Variants in XKR9 observed in about 807,000 individuals in gnomAD.
XKR9 encodes the protein XK-related protein 9.
XKR9 carries 32 observed loss-of-function variants against 32.0 expected under a neutral mutation model. The ratio of observed to expected loss-of-function variants is 1.00; its 90% CI spans 0.76 to 1.34. The LOEUF (loss-of-function observed/expected upper bound fraction) is 1.34. Among genes scored for constraint, XKR9 ranks in the 40% most tolerant of loss-of-function variants. The pLI is 0.00. For synonymous variants in XKR9, 168 were observed against 143.4 expected, an observed-to-expected ratio of 1.17 and a Z score of -1.22; for missense variants, 546 against 429.7, an observed-to-expected ratio of 1.27 and a Z score of -2.39.
At chr8:70,820,121 T>A in the XKR9 span, among the ~76,000 whole-genome samples, 1 of 152,108 alleles carries the variant, frequency 6.6e-6, no homozygotes, top group African/African-American at 2.4e-5. Flanking sequence ...CTGAAGCAGG[T>A]CATAAGACCC....
chr8:70,936,547 G>A, the XKR9 span, among the ~76,000 whole-genome samples: 1 of 152,058 alleles, frequency 6.6e-6, no homozygotes, highest in East Asian at 1.9e-4. Flanking sequence ...GAAAGGGATG[G>A]ACAGTGTAAT....
intron 2 of XKR9, among the ~76,000 whole-genome samples, chr8:70,760,708 T>A (rs972094494): frequency 1.3e-5 from 2 of 152,174 alleles, no homozygotes; most frequent in African/African-American, 2.4e-5. Context: ...CCTGAGCTTT[T>A]AAAAAAATTT....
the XKR9 span, among the ~76,000 whole-genome samples, chr8:70,975,730 T>C: frequency 6.6e-6 from 1 of 152,204 alleles, no homozygotes; most frequent in Non-Finnish European, 1.5e-5. Context: ...TGCAGTCTCT[T>C]TTTTGGTTCC....
the XKR9 span, among the ~76,000 whole-genome samples, chr8:71,031,812 T>A: frequency 6.6e-6 from 1 of 152,230 alleles, no homozygotes; most frequent in African/African-American, 2.4e-5. Flanking sequence ...CATTTCCATT[T>A]GCTTTTTTAT....
intron 2 of XKR9, among the ~76,000 whole-genome samples, chr8:70,677,336 T>TG (rs930078298): frequency 2.0e-5 from 3 of 151,780 alleles, no homozygotes; most frequent in African/African-American, 7.3e-5. Context: ...TTTGTAGAGG[T>TG]GGGGTTTCAC....
At chr8:70,869,846 A>G in the XKR9 span, among the ~76,000 whole-genome samples, 4 of 152,176 alleles carry the variant, frequency 2.6e-5, no homozygotes, top group Admixed American at 6.5e-5. Context: ...ATCTTATTAT[A>G]TAGTACCTTA....
chr8:70,679,419 T>G (rs1321851150), intron 2 of XKR9, among the ~76,000 whole-genome samples: 2 of 152,190 alleles, frequency 1.3e-5, no homozygotes, highest in Non-Finnish European at 2.9e-5. Flanking sequence ...GTATATACCA[T>G]TATTCTCTCC....
chr8:70,846,423 A>G, the XKR9 span, among the ~76,000 whole-genome samples: 1 of 152,130 alleles, frequency 6.6e-6, no homozygotes, highest in Admixed American at 6.5e-5. Context: ...TTACTATCAG[A>G]GAAAAATCAC....
Position 70,687,590 on chromosome 8 carries a change from G to A in XKR9, c.272+6260G>A, listed in dbSNP as rs1169353873. ...TCAGTATGTTGCCCAGGCTGGTCTC[G>A]AACTCCTGGCCTCAAGTGATCCTCC... On this transcript the variant is annotated intron_variant, in intron 3 of 4. Transcript: ENST00000408926. Among the ~76,000 whole-genome samples the A allele has an allele frequency of 2.0e-5, 3 of 151,820 alleles. 1 individual carries two copies. The highest frequency in any genetic ancestry group is 4.2e-4 in the South Asian group (2 of 4,816).
chr8:70,754,406 A>G (rs1461133365), intron 2 of XKR9, among the ~76,000 whole-genome samples: 3 of 128,184 alleles, frequency 2.3e-5, no homozygotes, highest in African/African-American at 5.0e-5. Flanking sequence ...CAGAATTGGA[A>G]AAAACTACTT....
the XKR9 span, among the ~76,000 whole-genome samples, chr8:70,919,109 G>A: frequency 6.6e-6 from 1 of 152,042 alleles, no homozygotes; most frequent in Non-Finnish European, 1.5e-5. Flanking sequence ...TAGCATGATT[G>A]GTACAGTGAC....
In XKR9 at chr8:70,682,916, C is replaced by T. The variant is rs986642487; in HGVS notation, c.272+1586C>T. Among the ~76,000 whole-genome samples the T allele has an allele frequency of 3.3e-5, 5 of 152,186 alleles. 1 individual carries two copies. ...TCTTGAAGATCTTCTGAAGTGAGTT[C>T]ATACAAAGCTGCTTTGCTCTTTTTA... On this transcript the variant is annotated intron_variant, in intron 3 of 4. Coordinates refer to ENST00000408926, the MANE Select transcript of XKR9 (RefSeq NM_001011720.2).
At chr8:70,711,169 T>A (rs763382030) in intron 4 of XKR9, among the ~76,000 whole-genome samples, 2 of 152,212 alleles carry the variant, frequency 1.3e-5, no homozygotes, top group Non-Finnish European at 2.9e-5. Flanking sequence ...TTATACAAAC[T>A]GTTGGTGGGA....
chr8:71,064,874 C>T, the XKR9 span, among the ~76,000 whole-genome samples: 1 of 152,092 alleles, frequency 6.6e-6, no homozygotes, highest in Admixed American at 6.5e-5. Flanking sequence ...TTTGCAGTGT[C>T]TATAGATGTG....
the XKR9 span, among the ~76,000 whole-genome samples, chr8:70,887,372 G>C: frequency 1.3e-5 from 2 of 151,806 alleles, no homozygotes; most frequent in Non-Finnish European, 2.9e-5. Context: ...CTCCAGCTTT[G>C]TTCTTTTTGC....
the XKR9 span, among the ~76,000 whole-genome samples, chr8:71,020,554 C>A: frequency 1.3e-5 from 2 of 152,152 alleles, no homozygotes; most frequent in Non-Finnish European, 2.9e-5. Flanking sequence ...GAAGATAGAA[C>A]ACAACATCAT....
At chr8:70,852,578 G>A in the XKR9 span, among the ~76,000 whole-genome samples, 2 of 152,100 alleles carry the variant, frequency 1.3e-5, no homozygotes, top group Non-Finnish European at 2.9e-5. Context: ...ATTCACAATA[G>A]CAAAGACTTG....
chr8:70,856,856 C>A, the XKR9 span, among the ~76,000 whole-genome samples: 3 of 152,162 alleles, frequency 2.0e-5, no homozygotes, highest in Admixed American at 2.0e-4. Context: ...AACTGGACAA[C>A]ATGCTCCAGA....
At chr8:71,015,924 A>G in the XKR9 span, among the ~76,000 whole-genome samples, 1 of 152,186 alleles carries the variant, frequency 6.6e-6, no homozygotes, top group African/African-American at 2.4e-5. Context: ...TACTATATAG[A>G]AAAGGGGTGC....
Sources: gnomAD v4.1 joint callset for allele counts (sites outside exome capture counted in the v4.1 genomes callset) on GRCh38, gnomAD v4.1.1 for gene constraint, MANE v1.5 for transcripts, NCBI Gene and HGNC (gene_info 2026-07-23, HGNC 2026-07-21) for gene names.